The following FREM3 variants were observed in gnomAD, a reference collection of about 807,000 sequenced individuals.
FREM3 encodes FRAS1-related extracellular matrix protein 3.
A neutral mutation model predicts 129.1 loss-of-function variants in FREM3; 105 were observed. The observed-to-expected ratio is 0.81, with a 90% CI of 0.69 to 0.96. The LOEUF (loss-of-function observed/expected upper bound fraction) is 0.96, where lower values mean the gene tolerates loss of function less well. Ranked by LOEUF, FREM3 falls within the 40% of genes least tolerant of loss-of-function variation. The probability of loss-of-function intolerance (pLI) is 0.00; values close to 1 mark genes in which losing one functional copy is unlikely to be tolerated. For synonymous variants in FREM3, 1,014 were observed against 1,044.9 expected (o/e 0.97, Z 0.57); for missense variants, 2,593 against 2,666.3 (o/e 0.97, Z 0.61).
Position 143,698,576 on chromosome 4 carries a change from T to G in FREM3, c.2100A>C (p.Ile700=), listed in dbSNP as rs761245135. 3.3e-6 allele frequency: 5 copies of G among 1,537,722 alleles called. No homozygotes were observed. Among genetic ancestry groups the G allele is most frequent in the Non-Finnish European group, 4.4e-6 (5 of 1,147,006 alleles). The change falls in exon 1 of 8, where the codon ATA becomes ATC. Residue 700 remains isoleucine (I), a synonymous_variant. Coordinates refer to ENST00000329798, the MANE Select transcript of FREM3 (RefSeq NM_001168235.2). ...IFTIKVQPVD[I]LSPQLYPGTT... ...TTCCTGGATACAGCTGTGGACTCAG[T>G]ATATCCACTGGTTGGACCTTGATGG...
At chr4:143,692,963 GAATT>G in intron 2 of FREM3, 146 bp downstream of exon 2, 2 of 432,960 alleles carry the variant, frequency 4.6e-6, no homozygotes, top group African/African-American at 2.0e-5. Context: ...GAAACAAAAA[GAATT>G]AATTTGTTTG....
At chr4:143,665,079 C>T (rs372138556) in intron 2 of FREM3, among the ~76,000 whole-genome samples, 9 of 152,188 alleles carry the variant, frequency 5.9e-5, no homozygotes, top group East Asian at 5.8e-4. Context: ...GGCTCGCGCA[C>T]GGTGTGCTGC....
Position 143,577,315 on chromosome 4 carries a change from A to G in FREM3, c.*296T>C. 2.2e-6 allele frequency: 1 copy of G among 459,732 alleles called. No homozygotes were observed. The highest frequency in any genetic ancestry group is 3.8e-6 in the Non-Finnish European group (1 of 262,940). The allele number at this position is 459,732 out of a possible 1,614,324, so 28.5% of individuals were successfully genotyped here. On this transcript the variant is annotated 3_prime_UTR_variant, in exon 8 of 8. Coordinates refer to ENST00000329798, the MANE Select transcript of FREM3 (RefSeq NM_001168235.2). ...AAGAGAGGTTAATTCTTTGATCTTA[A>G]CTTTTGATTTAATTGATCACAGTGG...
At chr4:143,594,540 T>C (rs1738432377) in intron 6 of FREM3, among the ~76,000 whole-genome samples, 1 of 152,192 alleles carries the variant, frequency 6.6e-6, no homozygotes, top group Non-Finnish European at 1.5e-5. Flanking sequence ...TTTGAACTTA[T>C]TACAAAGTTT....
intron 2 of FREM3, among the ~76,000 whole-genome samples, chr4:143,689,840 C>G (rs1320399022): frequency 6.7e-6 from 1 of 148,414 alleles, no homozygotes; most frequent in Non-Finnish European, 1.5e-5. Context: ...TATGATGATG[C>G]AAAGGCATAA....
intron 1 of FREM3, among the ~76,000 whole-genome samples, chr4:143,694,289 TTTTGAATC>T (rs1328635731): frequency 1.3e-5 from 2 of 152,308 alleles, no homozygotes; most frequent in Admixed American, 1.3e-4. Context: ...GTCTATTTGG[TTTTGAATC>T]TTCTGCACAA....
chr4:143,673,433 G>T (rs1031951669), intron 2 of FREM3, among the ~76,000 whole-genome samples: 2 of 152,218 alleles, frequency 1.3e-5, no homozygotes, highest in African/African-American at 2.4e-5. Context: ...AAATGTTGCT[G>T]TCTGATTGTT....
intron 6 of FREM3, among the ~76,000 whole-genome samples, chr4:143,602,207 C>T (rs1738584993): frequency 6.6e-6 from 1 of 152,170 alleles, no homozygotes; most frequent in South Asian, 2.1e-4. Context: ...TTGAAGGACA[C>T]ATGTTTTATT....
chr4:143,623,432 A>G (rs780875088), intron 4 of FREM3, among the ~76,000 whole-genome samples: 2 of 148,152 alleles, frequency 1.3e-5, no homozygotes, highest in Non-Finnish European at 3.0e-5. Flanking sequence ...GTGCTACATG[A>G]CCTCTTTTAA....
chr4:143,618,731 C>CA (rs1262978752), intron 5 of FREM3, among the ~76,000 whole-genome samples: 1 of 152,018 alleles, frequency 6.6e-6, no homozygotes, highest in African/African-American at 2.4e-5. Context: ...TTCGTCTCTA[C>CA]AAAAAATTTT....
At position 143,674,075 on chromosome 4, in the gene FREM3, G is replaced by A. The variant is rs144576483; in HGVS notation, c.5275+19038C>T. On this transcript the variant is annotated intron_variant, in intron 2 of 7. Coordinates refer to ENST00000329798, the MANE Select transcript of FREM3 (RefSeq NM_001168235.2). ...GATGCCTCGCCCTGCTTTGGCTTAC[G>A]CTTGGTGTGCTGCACCCACTGTCCA... is the stretch of plus-strand genomic sequence containing the variant. Among the ~76,000 whole-genome samples the A allele has an allele frequency of 4.9e-4, 75 of 152,270 alleles. No individual in the cohort carries two copies. In the East Asian group the frequency reaches 0.011, roughly 22 times the overall value.
intron 2 of FREM3, among the ~76,000 whole-genome samples, chr4:143,647,253 C>A (rs927467314): frequency 5.3e-5 from 8 of 151,352 alleles, no homozygotes; most frequent in Non-Finnish European, 7.4e-5. Context: ...GAAGAAATTT[C>A]TATGTGACAA....
At chr4:143,584,492 C>T (rs557141447) in intron 7 of FREM3, among the ~76,000 whole-genome samples, 94 of 149,080 alleles carry the variant, frequency 6.3e-4, no homozygotes, top group African/African-American at 2.2e-3. Context: ...TAATTTCAGA[C>T]AAAACAGACT....
rs553392924 is a variant in FREM3, at chr4:143,690,035, A to G, written c.5275+3078T>C. 6.8e-3 allele frequency among the ~76,000 whole-genome samples: 919 copies of G among 135,114 alleles called. 6 individuals are homozygous for G. The highest frequency in any genetic ancestry group is 0.024 in the African/African-American group (889 of 37,634). 88.6% of individuals were successfully genotyped at this position (135,114 alleles called of 152,430 possible). Reference sequence around the variant, plus strand: ...GAAAAATTAAAAAAAAAAAAAAAAAAGAAATGCAGCCTTGTCAAAACCTTG... The same window carrying G: ...GAAAAATTAAAAAAAAAAAAAAAAAGGAAATGCAGCCTTGTCAAAACCTTG... On this transcript the variant is annotated intron_variant, in intron 2 of 7. Coordinates refer to ENST00000329798, the MANE Select transcript of FREM3 (RefSeq NM_001168235.2).
intron 6 of FREM3, among the ~76,000 whole-genome samples, chr4:143,597,192 G>C (rs1390159597): frequency 6.6e-6 from 1 of 152,160 alleles, no homozygotes; most frequent in Non-Finnish European, 1.5e-5. Context: ...GAGAGGGAGA[G>C]AGAGGAGTTT....
chr4:143,672,430 G>A (rs539575498), intron 2 of FREM3, among the ~76,000 whole-genome samples: 1 of 152,278 alleles, frequency 6.6e-6, no homozygotes, highest in Admixed American at 6.5e-5. Context: ...TGTCTGCCTT[G>A]GCATCTTTGT....
intron 2 of FREM3, among the ~76,000 whole-genome samples, chr4:143,666,906 A>C (rs1218019713): frequency 3.3e-5 from 5 of 152,174 alleles, no homozygotes; most frequent in Non-Finnish European, 5.9e-5. Context: ...ATGTAAAAAA[A>C]TGTATAATAT....
At chr4:143,614,161 G>T (rs1453657780) in intron 5 of FREM3, among the ~76,000 whole-genome samples, 1 of 152,160 alleles carries the variant, frequency 6.6e-6, no homozygotes, top group Non-Finnish European at 1.5e-5. Context: ...TTTTAAACAA[G>T]AGTTGGTGAA....
chr4:143,695,187 A>T (rs1046159508), intron 1 of FREM3, among the ~76,000 whole-genome samples: 11 of 152,256 alleles, frequency 7.2e-5, no homozygotes, highest in African/African-American at 2.4e-4. Flanking sequence ...TATCAGAATT[A>T]ATATAATGTT....
Sources: allele counts gnomAD v4.1 joint callset (sites outside exome capture counted in the v4.1 genomes callset), GRCh38; gene constraint gnomAD v4.1.1; transcripts MANE v1.5; gene names NCBI Gene and HGNC (gene_info 2026-07-23, HGNC 2026-07-21).